The following ITPK1 variants were observed in gnomAD, a reference collection of about 807,000 sequenced individuals.
The protein encoded by ITPK1 is inositol 1,3,4-trisphosphate 5/6-kinase.
Under a neutral mutation model 45.3 loss-of-function variants are expected in ITPK1, and 21 were observed. The ratio of observed to expected loss-of-function variants is 0.46; its 90% CI spans 0.33 to 0.67. The LOEUF is 0.67. Among genes scored for constraint, ITPK1 ranks in the 30% least tolerant of loss-of-function variants. The probability of loss-of-function intolerance (pLI) is 0.02; values close to 1 mark genes in which losing one functional copy is unlikely to be tolerated. For missense variants in ITPK1, 474 were observed against 573.5 expected (o/e 0.83, Z 1.77); for synonymous variants, 258 against 253.6 (o/e 1.02, Z -0.16).
At chr14:92,994,068 C>T in intron 4 of ITPK1, 71 bp from the exon 5 acceptor site, 2 of 941,826 alleles carry the variant, frequency 2.1e-6, no homozygotes, top group Non-Finnish European at 3.5e-6. Context: ...CTCGCGCCCT[C>T]TGCACGTCCA....
chr14:93,028,565 G>A (rs1305603926), intron 3 of ITPK1, among the ~76,000 whole-genome samples: 3 of 152,220 alleles, frequency 2.0e-5, no homozygotes, highest in East Asian at 3.8e-4. Context: ...TTGAGACACT[G>A]TTTCCTCACT....
At position 93,063,960 on chromosome 14, in the gene ITPK1, T is replaced by C. The variant is rs1566764638; in HGVS notation, c.120+12635A>G. 2.6e-5 allele frequency among the ~76,000 whole-genome samples: 4 copies of C among 152,176 alleles called. No homozygotes were observed. The highest frequency in any genetic ancestry group is 5.9e-5 in the Non-Finnish European group (4 of 68,028). ...TGAAGCAATCCTACTAGGTGCTTACTGCCCAGACAACAGGGCTGGTGACCT... is the reference window on the plus strand; with the variant it reads ...TGAAGCAATCCTACTAGGTGCTTACCGCCCAGACAACAGGGCTGGTGACCT... On this transcript the variant is annotated intron_variant, in intron 3 of 10. Coordinates refer to ENST00000267615, the MANE Select transcript of ITPK1 (RefSeq NM_014216.6). The surrounding 1 kb of genome is among the most constrained non-coding windows in gnomAD (Gnocchi z 4.3).
chr14:93,005,959 G>C (rs1326378998), intron 4 of ITPK1, among the ~76,000 whole-genome samples: 3 of 152,130 alleles, frequency 2.0e-5, no homozygotes, highest in Admixed American at 6.5e-5. Flanking sequence ...CATTGTACAG[G>C]GGCTGTGCAG....
chr14:92,992,740 A>C lies in ITPK1; in HGVS notation c.364+1140T>G, dbSNP rs558134248. ...GGACATGAAAGTCAAGCTCAGGAAT[A>C]GGGGCCGGGGAGCCTGAGTCAGACA... On this transcript the variant is annotated intron_variant, in intron 5 of 10. Coordinates refer to ENST00000267615, the MANE Select transcript of ITPK1 (RefSeq NM_014216.6). Among the ~76,000 whole-genome samples, 7 of 152,374 alleles carry C rather than the reference A, an allele frequency of 4.6e-5. No individual in the cohort carries two copies. In the East Asian group the frequency reaches 1.3e-3, roughly 29 times the overall value.
At chr14:92,974,478 C>T (rs1403073957) in intron 5 of ITPK1, among the ~76,000 whole-genome samples, 1 of 152,214 alleles carries the variant, frequency 6.6e-6, no homozygotes, top group African/African-American at 2.4e-5. Context: ...GACCCTCAGC[C>T]TCGCAGCCCC....
intron 4 of ITPK1, among the ~76,000 whole-genome samples, chr14:92,999,227 G>A (rs1204686705): frequency 6.6e-6 from 1 of 152,256 alleles, no homozygotes; most frequent in Non-Finnish European, 1.5e-5. Flanking sequence ...CTGCGCACAA[G>A]GCAAGTCCTG....
rs1169355564 is a variant in ITPK1, at chr14:92,938,142, T to G, written c.*3419A>C. On this transcript the variant is annotated 3_prime_UTR_variant, in exon 11 of 11. Transcript: ENST00000267615. Reference sequence around the variant, plus strand: ...GTCCAGCTAATTTTTGTATTTTTAGTAGAGATGGGGTTTCACCATGTTGGC... The same window carrying G: ...GTCCAGCTAATTTTTGTATTTTTAGGAGAGATGGGGTTTCACCATGTTGGC... The G allele has an allele frequency of 3.2e-6, 1 of 315,980 alleles. No homozygotes were observed. Among genetic ancestry groups the G allele is most frequent in the African/African-American group, 2.2e-5 (1 of 46,074 alleles). 19.6% of individuals were successfully genotyped at this position (315,980 alleles called of 1,614,324 possible). A position where few individuals can be genotyped will look rare whatever the true frequency, so the allele number is the denominator to read the frequency against.
chr14:92,964,287 C>T lies in ITPK1; in HGVS notation c.365-1438G>A, dbSNP rs148805125. The stretch of plus-strand genomic sequence containing the variant: ...GCACAGAGGCCTGTTCAATCCCAAG[C>T]GGTCCCTGACAGTGTCCAGAAACAG... On this transcript the variant is annotated intron_variant, in intron 5 of 10. Coordinates refer to ENST00000267615, the MANE Select transcript of ITPK1 (RefSeq NM_014216.6). 5.4e-3 allele frequency among the ~76,000 whole-genome samples: 815 copies of T among 152,148 alleles called. 6 individuals are homozygous for T. The highest frequency in any genetic ancestry group is 0.019 in the African/African-American group (779 of 41,520).
At chr14:92,959,559 C>T in intron 7 of ITPK1, among the ~76,000 whole-genome samples, 1 of 152,184 alleles carries the variant, frequency 6.6e-6, no homozygotes, top group East Asian at 1.9e-4. Context: ...ACACGAGCAG[C>T]TCTGGAGTCA....
In ITPK1 at chr14:93,115,223, G is replaced by C. The variant is rs758258583; in HGVS notation, c.-60C>G. On this transcript the variant is annotated 5_prime_UTR_variant, in exon 2 of 11. Transcript: ENST00000267615. ...AAATCGCCCACAGGCCGAGTCTGGC[G>C]GCCGGCGCGCGCCGCGAGCGAGTGG... The C allele has an allele frequency of 8.7e-6, 11 of 1,269,836 alleles. No homozygotes were observed. Among genetic ancestry groups the C allele is most frequent in the Non-Finnish European group, 1.2e-5 (11 of 896,408 alleles). 78.7% of individuals were successfully genotyped at this position (1,269,836 alleles called of 1,614,324 possible). A position where few individuals can be genotyped will look rare whatever the true frequency, so the allele number is the denominator to read the frequency against.
intron 3 of ITPK1, among the ~76,000 whole-genome samples, chr14:93,053,632 G>A (rs1478926116): frequency 6.6e-6 from 1 of 152,206 alleles, no homozygotes; most frequent in Non-Finnish European, 1.5e-5. Flanking sequence ...TATGCACACT[G>A]GGGACTTCAG....
In ITPK1 at chr14:92,940,850, T is replaced by TA. The variant is rs142097656; in HGVS notation, c.*710dup. On this transcript the variant is annotated 3_prime_UTR_variant, in exon 11 of 11. Transcript: ENST00000267615. Reference sequence around the variant, plus strand: ...GCTCCAGGGAGCAGCAGTGCTGGCTTAGGGGAAGGAGACCGCTGTGCAGGG... The same window carrying TA: ...GCTCCAGGGAGCAGCAGTGCTGGCTTAAGGGGAAGGAGACCGCTGTGCAGGG... 92,979 of 1,288,386 alleles carry TA rather than the reference T, an allele frequency of 0.072. 4,009 individuals carry two copies. The highest frequency in any genetic ancestry group is 0.23 in the East Asian group (4,199 of 18,006). 79.8% of individuals were successfully genotyped at this position (1,288,386 alleles called of 1,614,324 possible).
intron 9 of ITPK1, among the ~76,000 whole-genome samples, chr14:92,951,257 G>T (rs1278103727): frequency 1.3e-5 from 2 of 152,236 alleles, no homozygotes; most frequent in African/African-American, 4.8e-5. Context: ...ATTCTTTGGG[G>T]TCAGGTGCTC....
intron 3 of ITPK1, among the ~76,000 whole-genome samples, chr14:93,050,796 A>G (rs114587029): frequency 0.033 from 5,009 of 151,820 alleles, 280 homozygotes; most frequent in African/African-American, 0.11. Flanking sequence ...TCCAGTCGCC[A>G]GCATCGGGTA....
chr14:92,981,299 G>A lies in ITPK1; in HGVS notation c.364+12581C>T, dbSNP rs1001883360. On this transcript the variant is annotated intron_variant, in intron 5 of 10. Transcript: ENST00000267615. ...CTCCCAATGGCCTCCCTCTCTCCCC[G>A]CATAGGCTAAGCAGAAACTGGCCCT... 9.2e-5 allele frequency among the ~76,000 whole-genome samples: 14 copies of A among 152,170 alleles called. No individual in the cohort carries two copies. In the South Asian group the frequency reaches 1.0e-3, roughly 11 times the overall value.
At chr14:93,077,765 C>T (rs1891286513) in intron 2 of ITPK1, among the ~76,000 whole-genome samples, 1 of 152,136 alleles carries the variant, frequency 6.6e-6, no homozygotes, top group African/African-American at 2.4e-5. Context: ...CAGGACGCCT[C>T]CTAACCTGGA....
chr14:93,064,264 C>T (rs1205518032), intron 3 of ITPK1, among the ~76,000 whole-genome samples: 1 of 152,170 alleles, frequency 6.6e-6, no homozygotes, highest in Non-Finnish European at 1.5e-5. Flanking sequence ...GCCTGGGCGA[C>T]AGAGCGAGAC....
chr14:93,068,504 C>A (rs1018283164), intron 3 of ITPK1: 1 of 152,322 alleles, frequency 6.6e-6, no homozygotes, highest in Non-Finnish European at 1.5e-5. Context: ...CAGAACCCCA[C>A]AGCGATTGTT....
In ITPK1 at chr14:93,016,883, A is replaced by G. The variant is rs1888210673; in HGVS notation, c.121-82T>C. On this transcript the variant is annotated intron_variant, in intron 3 of 10. Transcript: ENST00000267615. This position sits in a 1 kb window ranked among gnomAD's most constrained non-coding sequence, Gnocchi z 5.0. ...CCCATCCTCTTGTCCACCCTGGGGC[A>G]TATCACCAGAGGACCCTCGAGCCTC... 6.4e-7 allele frequency: 1 copy of G among 1,568,114 alleles called. No individual in the cohort carries two copies. Among genetic ancestry groups the G allele is most frequent in the African/African-American group, 1.3e-5 (1 of 74,288 alleles).
Sources: gnomAD v4.1 joint callset for allele counts (sites outside exome capture counted in the v4.1 genomes callset) on GRCh38, gnomAD v4.1.1 for gene constraint, Gnocchi (gnomAD v3.1) non-coding constraint, MANE v1.5 for transcripts, NCBI Gene and HGNC (gene_info 2026-07-23, HGNC 2026-07-21) for gene names.